SLC2A1: variants seen among roughly 807,000 people sequenced by gnomAD.
The protein encoded by SLC2A1 is solute carrier family 2 member 1.
SLC2A1 carries 4 observed loss-of-function variants against 46.6 expected under a neutral mutation model. That is an observed-to-expected ratio of 0.09 (90% CI 0.04 to 0.20). SLC2A1 has a LOEUF of 0.20. Ranked by LOEUF, SLC2A1 falls within the 10% of genes least tolerant of loss-of-function variation. The pLI is 1.00. For synonymous variants in SLC2A1, 253 were observed against 270.0 expected (o/e 0.94, Z 0.62); for missense variants, 352 against 667.0 (o/e 0.53, Z 5.20).
intron 1 of SLC2A1, among the ~76,000 whole-genome samples, chr1:42,958,356 G>A (rs1204769335): frequency 2.0e-5 from 3 of 150,988 alleles, no homozygotes; most frequent in African/African-American, 7.3e-5. Context: ...CGCGTGGACG[G>A]CGCGGCGCCC....
chr1:42,957,545 T>A (rs1325555283), intron 1 of SLC2A1, among the ~76,000 whole-genome samples: 1 of 151,900 alleles, frequency 6.6e-6, no homozygotes, highest in Non-Finnish European at 1.5e-5. Flanking sequence ...AATCAAAGTA[T>A]AATAGATAAA....
chr1:42,936,933 C>G (rs1643547504), intron 2 of SLC2A1, among the ~76,000 whole-genome samples: 1 of 152,154 alleles, frequency 6.6e-6, no homozygotes, highest in Non-Finnish European at 1.5e-5. Context: ...CTTTGGTACC[C>G]CATAGGACAT....
intron 1 of SLC2A1, among the ~76,000 whole-genome samples, chr1:42,946,866 C>T (rs1454307194): frequency 2.0e-5 from 3 of 152,184 alleles, no homozygotes; most frequent in Non-Finnish European, 4.4e-5. Context: ...AGCAGACCCA[C>T]GTTTAAATGC....
rs1173608453 is a variant in SLC2A1 at position 42,952,446 on chromosome 1, T to C, written c.18+6188A>G. On this transcript the variant is annotated intron_variant, in intron 1 of 9. Transcript: ENST00000426263. ...GGGGATAAGGACTTCCATCACCAGGTTGTAGATGGTGATGATGCCAGCCAT... is the reference window on the plus strand; with the variant it reads ...GGGGATAAGGACTTCCATCACCAGGCTGTAGATGGTGATGATGCCAGCCAT... 5 of 467,186 alleles carry C rather than the reference T, an allele frequency of 1.1e-5. No homozygotes were observed. In the East Asian group the frequency reaches 2.6e-4, roughly 25 times the overall value. The allele number at this position is 467,186 out of a possible 1,614,324, so 28.9% of individuals were successfully genotyped here. A position where few individuals can be genotyped will look rare whatever the true frequency, so the allele number is the denominator to read the frequency against.
In SLC2A1 at chr1:42,951,922, T is replaced by C. The variant is rs1310422396; in HGVS notation, c.18+6712A>G. On this transcript the variant is annotated intron_variant, in intron 1 of 9. Transcript: ENST00000426263. ...ATGTATGAACAGGTCCAATCTTCCA[T>C]AAATAAACCTACAGAAGAGAGAAAA... 7 of 403,780 alleles carry C rather than the reference T, an allele frequency of 1.7e-5. No individual in the cohort carries two copies. In the South Asian group the frequency reaches 3.5e-4, roughly 20 times the overall value. The allele number at this position is 403,780 out of a possible 1,614,324, so 25.0% of individuals were successfully genotyped here.
At position 42,926,350 on chromosome 1, in the gene SLC2A1, C is replaced by T; in HGVS notation, c.*691G>A. 1 of 161,854 alleles carries T rather than the reference C, an allele frequency of 6.2e-6. No individual in the cohort carries two copies. Among genetic ancestry groups the T allele is most frequent in the South Asian group, 1.7e-4 (1 of 5,928 alleles). The allele number at this position is 161,854 out of a possible 1,614,324, so 10.0% of individuals were successfully genotyped here. A position where few individuals can be genotyped will look rare whatever the true frequency, so the allele number is the denominator to read the frequency against. On this transcript the variant is annotated 3_prime_UTR_variant, in exon 10 of 10. Coordinates refer to ENST00000426263, the MANE Select transcript of SLC2A1 (RefSeq NM_006516.4). ...CATGTCTTCTTGAGCAGTGAGTTTG[C>T]AGGCTCCCACAGGCCCTCTTCTCAT...
rs144845823 is a variant in SLC2A1, at chr1:42,940,742, G to A, written c.114+2484C>T. 3.6e-4 allele frequency among the ~76,000 whole-genome samples: 55 copies of A among 152,156 alleles called. 1 individual carries two copies. Among genetic ancestry groups the A allele is most frequent in the Non-Finnish European group, 6.8e-4 (46 of 67,996 alleles). ...GGATTACAGCGTGAGCCACATGCCC[G>A]GCCTTAATCTTCATTTCTCTTTTTA... is the stretch of plus-strand genomic sequence containing the variant. On this transcript the variant is annotated intron_variant, in intron 2 of 9. Transcript: ENST00000426263.
chr1:42,953,797 C>T (rs1007631369), intron 1 of SLC2A1, among the ~76,000 whole-genome samples: 4 of 152,152 alleles, frequency 2.6e-5, no homozygotes, highest in Non-Finnish European at 4.4e-5. Context: ...TGAGGCTGGC[C>T]CAGCTCCGGG....
intron 1 of SLC2A1, among the ~76,000 whole-genome samples, chr1:42,949,019 G>C (rs1011303453): frequency 6.7e-6 from 1 of 150,086 alleles, no homozygotes; most frequent in Non-Finnish European, 1.5e-5. Flanking sequence ...AGTGAGCTGA[G>C]ATCGCGCCAC....
rs1643419355 is a variant in SLC2A1, at chr1:42,925,791, T to A, written c.*1250A>T. 1 of 152,210 alleles carries A rather than the reference T, an allele frequency of 6.6e-6. No individual in the cohort carries two copies. The highest frequency in any genetic ancestry group is 2.4e-5 in the African/African-American group (1 of 41,458). 9.4% of individuals were successfully genotyped at this position (152,210 alleles called of 1,614,324 possible). A position where few individuals can be genotyped will look rare whatever the true frequency, so the allele number is the denominator to read the frequency against. On this transcript the variant is annotated 3_prime_UTR_variant, in exon 10 of 10. Coordinates refer to ENST00000426263, the MANE Select transcript of SLC2A1 (RefSeq NM_006516.4). The stretch of plus-strand genomic sequence containing the variant: ...AAAGCAGGTGTTTTAGCTTATTCAC[T>A]GTGCGACTTCAGGCACATAACCTCT...
chr1:42,949,847 T>G (rs1643702025), intron 1 of SLC2A1, among the ~76,000 whole-genome samples: 2 of 152,074 alleles, frequency 1.3e-5, no homozygotes, highest in Non-Finnish European at 2.9e-5. Context: ...AGTTTCCAAT[T>G]GGGGGTCTCT....
chr1:42,939,027 A>G (rs1459591743), intron 2 of SLC2A1, among the ~76,000 whole-genome samples: 1 of 152,220 alleles, frequency 6.6e-6, no homozygotes, highest in East Asian at 1.9e-4. Flanking sequence ...GTTCACAGCT[A>G]TACTTCTCTC....
Position 42,929,536 on chromosome 1 carries a change from G to T in SLC2A1, c.867+57C>A. ...TTCAAGTTTGGGACTTGTTCACCAT[G>T]CACACTTGACCAGAGGGCTTGGCTG... On this transcript the variant is annotated intron_variant, in intron 6 of 9. Coordinates refer to ENST00000426263, the MANE Select transcript of SLC2A1 (RefSeq NM_006516.4). The surrounding 1 kb of genome is among the most constrained non-coding windows in gnomAD (Gnocchi z 6.0). 2 of 1,511,594 alleles carry T rather than the reference G, an allele frequency of 1.3e-6. No individual in the cohort carries two copies. Among genetic ancestry groups the T allele is most frequent in the Non-Finnish European group, 1.8e-6 (2 of 1,090,936 alleles). The allele number at this position is 1,511,594 out of a possible 1,614,324, so 93.6% of individuals were successfully genotyped here. A position where few individuals can be genotyped will look rare whatever the true frequency, so the allele number is the denominator to read the frequency against.
chr1:42,945,732 C>G (rs1418271851), intron 1 of SLC2A1, among the ~76,000 whole-genome samples: 1 of 124,660 alleles, frequency 8.0e-6, no homozygotes, highest in Non-Finnish European at 1.5e-5. Flanking sequence ...AGAGCAGACT[C>G]TGTCTCAAAA....
chr1:42,931,534 A>T (rs1643490019), intron 2 of SLC2A1, among the ~76,000 whole-genome samples: 1 of 152,142 alleles, frequency 6.6e-6, no homozygotes, highest in Admixed American at 6.6e-5. Context: ...CATAGAACAG[A>T]GAGGTACAAG....
intron 2 of SLC2A1, among the ~76,000 whole-genome samples, chr1:42,939,884 C>A (rs1431317677): frequency 6.9e-6 from 1 of 144,026 alleles, no homozygotes; most frequent in Non-Finnish European, 1.5e-5. Flanking sequence ...ACCCAGGAAG[C>A]GGAGGTTGCA....
intron 1 of SLC2A1, chr1:42,951,992 GGGGGCATCCTCACTGGTCA>G: frequency 2.4e-6 from 1 of 411,916 alleles, no homozygotes; most frequent in Non-Finnish European, 4.3e-6. Context: ...CTAGATGGGA[GGGGGCATCCTCACTGGTCA>G]GGGGGCCAGG....
At chr1:42,941,282 C>T (rs952118200) in intron 2 of SLC2A1, among the ~76,000 whole-genome samples, 1 of 152,144 alleles carries the variant, frequency 6.6e-6, no homozygotes, top group Admixed American at 6.5e-5. Context: ...GGTGCCCATC[C>T]GCCCCTTCTG....
In SLC2A1 at chr1:42,927,776, G is replaced by A. The variant is rs145962512; in HGVS notation, c.1107C>T (p.Ile369=). Residue 369 remains isoleucine, a synonymous_variant, in exon 9 of 10, where the codon ATC becomes ATT. Coordinates refer to ENST00000426263, the MANE Select transcript of SLC2A1 (RefSeq NM_006516.4). This position sits in a 1 kb window ranked among gnomAD's most constrained non-coding sequence, Gnocchi z 5.3. ...AGGCCACAAAGCCAAAGATGGCCAC[G>A]ATGCTCAGATAGGACATCCAGGGTA... The part of the protein sequence containing the change: ...EQLPWMSYLS[I]VAIFGFVAFF... 2.2e-5 allele frequency: 36 copies of A among 1,613,618 alleles called. 1 individual carries two copies. Among genetic ancestry groups the A allele is most frequent in the Middle Eastern group, 3.3e-4 (2 of 6,084 alleles).
Sources: allele counts gnomAD v4.1 joint callset (sites outside exome capture counted in the v4.1 genomes callset), GRCh38; gene constraint gnomAD v4.1.1; non-coding constraint Gnocchi (gnomAD v3.1); transcripts MANE v1.5; gene names NCBI Gene and HGNC (gene_info 2026-07-23, HGNC 2026-07-21).